Variants in ETV6 observed in about 807,000 individuals in gnomAD.
The protein encoded by ETV6 is ETS variant transcription factor 6.
A neutral mutation model predicts 51.1 loss-of-function variants in ETV6; 16 were observed. The observed-to-expected ratio is 0.31, with a 90% CI of 0.21 to 0.48. The LOEUF (loss-of-function observed/expected upper bound fraction) is 0.48, where lower values mean the gene tolerates loss of function less well. Among genes scored for constraint, ETV6 ranks in the 20% least tolerant of loss-of-function variants. The pLI is 0.99. For missense variants in ETV6, 458 were observed against 594.8 expected, an observed-to-expected ratio of 0.77 and a Z score of 2.39; for synonymous variants, 240 against 224.1, an observed-to-expected ratio of 1.07 and a Z score of -0.64.
chr12:11,778,522 C>G (rs1235411631), intron 2 of ETV6, among the ~76,000 whole-genome samples: 1 of 152,192 alleles, frequency 6.6e-6, no homozygotes, highest in Non-Finnish European at 1.5e-5. Flanking sequence ...CGTGTTGAAT[C>G]AAACCAGAAG....
At chr12:11,776,374 A>T (rs1945324463) in intron 2 of ETV6, among the ~76,000 whole-genome samples, 1 of 152,070 alleles carries the variant, frequency 6.6e-6, no homozygotes, top group Non-Finnish European at 1.5e-5. Flanking sequence ...GAATAATAAA[A>T]TATCAGTTTT....
chr12:11,820,063 CAT>C (rs1442705348), intron 2 of ETV6, among the ~76,000 whole-genome samples: 2 of 152,220 alleles, frequency 1.3e-5, no homozygotes, highest in East Asian at 1.9e-4. Flanking sequence ...GGTCCTTACA[CAT>C]ATGTCAACAT....
intron 1 of ETV6, among the ~76,000 whole-genome samples, chr12:11,724,490 CT>C (rs1865451940): frequency 1.3e-5 from 2 of 152,288 alleles, no homozygotes; most frequent in South Asian, 4.1e-4. Context: ...TGCCCTATGG[CT>C]GAGTATTAAA....
At chr12:11,686,609 CCT>C (rs1864633876) in intron 1 of ETV6, among the ~76,000 whole-genome samples, 1 of 152,222 alleles carries the variant, frequency 6.6e-6, no homozygotes, top group African/African-American at 2.4e-5. Flanking sequence ...CTCACTGCAA[CCT>C]CTGCCTCCCA....
chr12:11,706,782 C>T (rs1865080456), intron 1 of ETV6, among the ~76,000 whole-genome samples: 1 of 152,220 alleles, frequency 6.6e-6, no homozygotes, highest in South Asian at 2.1e-4. Context: ...TGTTTTCTTT[C>T]AGATGGGGCG....
intron 1 of ETV6, among the ~76,000 whole-genome samples, chr12:11,739,922 A>G (rs1013456824): frequency 2.0e-5 from 3 of 152,244 alleles, no homozygotes; most frequent in African/African-American, 7.2e-5. Flanking sequence ...TTCAAAAGTT[A>G]GAGTCATAAT....
At chr12:11,827,134 A>T (rs56014584) in intron 2 of ETV6, among the ~76,000 whole-genome samples, 1 of 150,766 alleles carries the variant, frequency 6.6e-6, no homozygotes, top group Non-Finnish European at 1.5e-5. Flanking sequence ...ATTATCTTTA[A>T]ATAGAAGTTG....
intron 2 of ETV6, among the ~76,000 whole-genome samples, chr12:11,819,617 T>C (rs1359966246): frequency 2.6e-5 from 4 of 152,252 alleles, no homozygotes; most frequent in Non-Finnish European, 5.9e-5. Context: ...TGGGATGAGA[T>C]GGGCGGGCCC....
intron 6 of ETV6, among the ~76,000 whole-genome samples, chr12:11,885,259 G>A (rs913104251): frequency 6.6e-6 from 1 of 152,296 alleles, no homozygotes; most frequent in Admixed American, 6.5e-5. Context: ...GAGTGAAAAG[G>A]CAGGGAGGCC....
chr12:11,752,434 C>T lies in ETV6; in HGVS notation c.34-16C>T. On this transcript the variant is annotated splice_polypyrimidine_tract_variant and intron_variant, in intron 1 of 7. Coordinates refer to ENST00000396373, the MANE Select transcript of ETV6 (RefSeq NM_001987.5). The stretch of plus-strand genomic sequence containing the variant: ...TCTCTCTCCCCCTCCCCTCTTCCTG[C>T]CCTTATTTTTAACAGCAGGAACGAA... 6.2e-7 allele frequency: 1 copy of T among 1,605,394 alleles called. No individual in the cohort carries two copies. The highest frequency in any genetic ancestry group is 8.5e-7 in the Non-Finnish European group (1 of 1,173,762).
chr12:11,654,005 G>A (rs1029324412), intron 1 of ETV6, among the ~76,000 whole-genome samples: 2 of 151,950 alleles, frequency 1.3e-5, no homozygotes, highest in Admixed American at 1.3e-4. Flanking sequence ...TAGAGATGGG[G>A]GTTTCACCAT....
At chr12:11,769,541 C>T (rs1375924455) in intron 2 of ETV6, among the ~76,000 whole-genome samples, 3 of 152,036 alleles carry the variant, frequency 2.0e-5, no homozygotes, top group Admixed American at 6.5e-5. Context: ...GGTGTCATTT[C>T]GAGTTCATAG....
chr12:11,740,006 A>G (rs1336767090), intron 1 of ETV6, among the ~76,000 whole-genome samples: 1 of 152,234 alleles, frequency 6.6e-6, no homozygotes, highest in Non-Finnish European at 1.5e-5. Flanking sequence ...ATAGGTTTTA[A>G]TAAGAGTAAG....
At chr12:11,715,172 C>T (rs569115394) in intron 1 of ETV6, among the ~76,000 whole-genome samples, 14 of 152,196 alleles carry the variant, frequency 9.2e-5, no homozygotes, top group East Asian at 7.7e-4. Context: ...CTGAAAACCA[C>T]GATATTACGG....
intron 1 of ETV6, among the ~76,000 whole-genome samples, chr12:11,657,793 G>A (rs1158741658): frequency 6.6e-6 from 1 of 152,252 alleles, no homozygotes; most frequent in Non-Finnish European, 1.5e-5. Context: ...TGTAGTTCCA[G>A]TCACCACGTC....
chr12:11,743,881 G>A (rs372453165), intron 1 of ETV6, among the ~76,000 whole-genome samples: 2 of 152,246 alleles, frequency 1.3e-5, no homozygotes, highest in South Asian at 4.1e-4. Flanking sequence ...TGATGCTGTG[G>A]CACAAAGAAG....
intron 1 of ETV6, among the ~76,000 whole-genome samples, chr12:11,710,515 G>T (rs1865154369): frequency 6.6e-6 from 1 of 152,212 alleles, no homozygotes; most frequent in East Asian, 1.9e-4. Context: ...TGGCAAGAAA[G>T]TCATAGAAAT....
At chr12:11,827,713 C>G (rs1433619487) in intron 2 of ETV6, among the ~76,000 whole-genome samples, 1 of 152,160 alleles carries the variant, frequency 6.6e-6, no homozygotes, top group Non-Finnish European at 1.5e-5. Flanking sequence ...CAAGCCTCCT[C>G]CATGCAAGTG....
chr12:11,695,169 AC>A (rs1864850968), intron 1 of ETV6, among the ~76,000 whole-genome samples: 1 of 152,184 alleles, frequency 6.6e-6, no homozygotes, highest in Non-Finnish European at 1.5e-5. Flanking sequence ...AATTCATATG[AC>A]CCCTTAGAAA....
Sources: allele counts gnomAD v4.1 joint callset (sites outside exome capture counted in the v4.1 genomes callset), GRCh38; gene constraint gnomAD v4.1.1; transcripts MANE v1.5; gene names NCBI Gene and HGNC (gene_info 2026-07-23, HGNC 2026-07-21).